The following KLRC3 variants were observed in gnomAD, a reference collection of about 807,000 sequenced individuals.
The protein encoded by KLRC3 is killer cell lectin like receptor C3.
In KLRC3, 16 loss-of-function variants were observed where a neutral mutation model predicts 23.6. The observed-to-expected ratio is 0.68, with a 90% confidence interval of 0.46 to 1.03. The LOEUF is 1.03. Ranked by LOEUF, KLRC3 falls within the 50% of genes least tolerant of loss-of-function variation. KLRC3 has a pLI of 0.00. For missense variants in KLRC3, 209 were observed against 232.2 expected, an observed-to-expected ratio of 0.90 and a Z score of 0.65; for synonymous variants, 70 against 71.8, an observed-to-expected ratio of 0.98 and a Z score of 0.13.
intron 1 of KLRC3, among the ~76,000 whole-genome samples, 187 bp from the exon 2 acceptor site, chr12:10,420,151 G>A (rs566525691): frequency 7.2e-5 from 11 of 152,104 alleles, no homozygotes; most frequent in Admixed American, 2.0e-4. Flanking sequence ...TTCAGTAAAT[G>A]TAATGTTCCA....
chr12:10,413,936 T>C (rs535779951), intron 6 of KLRC3, among the ~76,000 whole-genome samples: 2 of 152,296 alleles, frequency 1.3e-5, no homozygotes, highest in South Asian at 2.1e-4. Flanking sequence ...GCTTCATCCA[T>C]GTCCCTGCAG....
intron 5 of KLRC3, among the ~76,000 whole-genome samples, chr12:10,416,302 A>C (rs1012529061): frequency 1.3e-5 from 2 of 152,248 alleles, no homozygotes; most frequent in Non-Finnish European, 2.9e-5. Flanking sequence ...GCGGCCCAAC[A>C]CAAATACATA....
At chr12:10,415,975 G>C (rs1230340845) in intron 5 of KLRC3, among the ~76,000 whole-genome samples, 181 bp from the exon 6 acceptor site, 2 of 152,038 alleles carry the variant, frequency 1.3e-5, no homozygotes, top group Non-Finnish European at 1.5e-5. Context: ...TTCATCCACG[G>C]GGGATATGTT....
At chr12:10,415,632 G>A (rs1344366979) in intron 6 of KLRC3, 72 bp downstream of exon 6, 1 of 1,601,514 alleles carries the variant, frequency 6.2e-7, no homozygotes, top group African/African-American at 1.3e-5. Flanking sequence ...TATCATTTCT[G>A]TTTGAACAAA....
At chr12:10,416,594 T>A (rs1388206990) in intron 5 of KLRC3, 73 bp downstream of exon 5, 1 of 1,484,806 alleles carries the variant, frequency 6.7e-7, no homozygotes, top group Non-Finnish European at 9.1e-7. Context: ...TGATTCCACA[T>A]AGATTTATTC....
At chr12:10,414,220 A>G (rs1346416399) in intron 6 of KLRC3, among the ~76,000 whole-genome samples, 2 of 152,160 alleles carry the variant, frequency 1.3e-5, no homozygotes, top group Admixed American at 1.3e-4. Context: ...CTAGTTTAAC[A>G]TTTGACAAAA....
intron 4 of KLRC3, 79 bp from the exon 5 acceptor site, chr12:10,416,846 A>G (rs1863652299): frequency 1.5e-6 from 2 of 1,314,900 alleles, no homozygotes; most frequent in Non-Finnish European, 2.0e-6. Flanking sequence ...GTTGAAAACC[A>G]CTATTTGCAG....
At chr12:10,415,673 CA>C in intron 6 of KLRC3, 30 bp downstream of exon 6, 1 of 1,613,294 alleles carries the variant, frequency 6.2e-7, no homozygotes. Flanking sequence ...ACTGCAAGCT[CA>C]AGCGCTTTAA....
Position 10,415,684 on chromosome 12 carries a change from A to G in KLRC3, c.678+20T>C. ...ATGCACTGCAAGCTCAAGCGCTTTA[A>G]TTCTAAAGCTTATGCTCACAATGAT... On this transcript the variant is annotated intron_variant, in intron 6 of 6. Coordinates refer to ENST00000396439, the MANE Select transcript of KLRC3 (RefSeq NM_002261.3). 6.2e-7 allele frequency: 1 copy of G among 1,612,634 alleles called. No homozygotes were observed. Among genetic ancestry groups the G allele is most frequent in the Non-Finnish European group, 8.5e-7 (1 of 1,178,810 alleles).
chr12:10,415,796 T>C lies in KLRC3; in HGVS notation c.588-2A>G, dbSNP rs140645842. ...TCAGCATGATCTGAGTCTTTTATCC[T>C]GTAATGGAGAAAAATCCATAATTCT... On this transcript the variant is annotated splice_acceptor_variant, in intron 5 of 6. Transcript: ENST00000396439. LOFTEE classifies it high-confidence loss of function. 800 of 1,601,200 alleles carry C rather than the reference T, an allele frequency of 5.0e-4. 6 individuals carry two copies. The highest frequency in any genetic ancestry group is 2.7e-4 in the Non-Finnish European group (312 of 1,170,378).
At chr12:10,414,766 TAAAAAAAGAA>T (rs889456628) in intron 6 of KLRC3, among the ~76,000 whole-genome samples, 3 of 140,744 alleles carry the variant, frequency 2.1e-5, no homozygotes, top group African/African-American at 5.3e-5. Flanking sequence ...ATAATAATAA[TAAAAAAAGAA>T]AAAAAAAGAA....
Sources: allele counts gnomAD v4.1 joint callset (sites outside exome capture counted in the v4.1 genomes callset), GRCh38; gene constraint gnomAD v4.1.1; transcripts MANE v1.5; gene names NCBI Gene and HGNC (gene_info 2026-07-23, HGNC 2026-07-21).